The following NCS1 variants were observed in gnomAD, a reference collection of about 807,000 sequenced individuals.
NCS1 encodes the protein neuronal calcium sensor 1.
In NCS1, 6 loss-of-function variants were observed where a neutral mutation model predicts 28.4. The observed-to-expected ratio is 0.21, with a 90% CI of 0.12 to 0.42. The LOEUF (loss-of-function observed/expected upper bound fraction) is 0.42. NCS1 is among the 10% of genes least tolerant of loss of function. NCS1 has a pLI of 1.00. For missense variants in NCS1, 131 were observed against 241.4 expected, an observed-to-expected ratio of 0.54 and a Z score of 3.03; for synonymous variants, 86 against 99.3, an observed-to-expected ratio of 0.87 and a Z score of 0.79.
At chr9:130,202,286 G>A (rs1055067956) in intron 2 of NCS1, among the ~76,000 whole-genome samples, 2 of 152,112 alleles carry the variant, frequency 1.3e-5, no homozygotes, top group African/African-American at 4.8e-5. Context: ...TGTCTCCGGG[G>A]CTTCCTGATG....
chr9:130,189,075 G>A (rs1338091208), intron 1 of NCS1, among the ~76,000 whole-genome samples: 1 of 152,158 alleles, frequency 6.6e-6, no homozygotes, highest in African/African-American at 2.4e-5. Context: ...CTAACAGGGT[G>A]TGTCTCCCCT....
intron 1 of NCS1, among the ~76,000 whole-genome samples, chr9:130,183,735 T>TCTTC (rs1554905385): frequency 7.2e-6 from 1 of 138,110 alleles, no homozygotes; most frequent in African/African-American, 2.5e-5. Flanking sequence ...TTTCTCTCTC[T>TCTTC]CTTCCTTCCT....
chr9:130,179,346 T>C (rs1235864684), intron 1 of NCS1, among the ~76,000 whole-genome samples: 2 of 152,196 alleles, frequency 1.3e-5, no homozygotes, highest in African/African-American at 4.8e-5. Flanking sequence ...TTTTAGAGCA[T>C]GATTTTTTTT....
Position 130,200,546 on chromosome 9 carries a change from C to G in NCS1, c.65-412C>G, listed in dbSNP as rs897324023. On this transcript the variant is annotated intron_variant, in intron 1 of 7. Transcript: ENST00000372398. ...CACCCCCCCACATAGGTGGGGCAGC[C>G]GAGTGCCTGGGGAAGCCAGGGCCTT... The G allele has an allele frequency of 6.4e-6, 10 of 1,551,308 alleles. No individual in the cohort carries two copies. The East Asian group carries it at 2.2e-4, about 34-fold the overall frequency.
At chr9:130,225,021 G>A (rs1038160401) in intron 6 of NCS1, among the ~76,000 whole-genome samples, 6 of 152,054 alleles carry the variant, frequency 3.9e-5, no homozygotes, top group East Asian at 1.9e-4. Context: ...ATGAAACCCC[G>A]ACTCTACAAA....
rs1726031329 is a variant in NCS1, at chr9:130,217,980, G to A, written c.228+10G>A. 1 of 1,613,964 alleles carries A rather than the reference G, an allele frequency of 6.2e-7. No homozygotes were observed. Among genetic ancestry groups the A allele is most frequent in the Admixed American group, 1.7e-5 (1 of 59,996 alleles). On this transcript the variant is annotated intron_variant, in intron 3 of 7. Coordinates refer to ENST00000372398, the MANE Select transcript of NCS1 (RefSeq NM_014286.4). ...CTTTGATGAAAACAAGGTGAGCTGG[G>A]GATTGATGGGGCCTGCGGCAGCTGG...
intron 1 of NCS1, among the ~76,000 whole-genome samples, chr9:130,196,510 G>A (rs782534844): frequency 9.2e-5 from 14 of 152,168 alleles, no homozygotes; most frequent in Admixed American, 6.5e-4. Flanking sequence ...AGGCCGAGGC[G>A]GATGGAACAC....
rs1554910275 is a variant in NCS1 at position 130,221,339 on chromosome 9, TATATATATATAAAATATTTA to T, written c.308-1293_308-1274del. ...GTGCCTGGCCCTGTTATTTTTAATATATATATATATAAAATATTTAATATATATATAAAATATCATATATA... is the reference window on the plus strand; with the variant it reads ...GTGCCTGGCCCTGTTATTTTTAATATATATATATATAAAATATCATATATA... On this transcript the variant is annotated intron_variant, in intron 4 of 7. Transcript: ENST00000372398. 2.8e-5 allele frequency among the ~76,000 whole-genome samples: 4 copies of T among 143,814 alleles called. No homozygotes were observed. The South Asian group carries it at 6.5e-4, about 23-fold the overall frequency. The allele number at this position is 143,814 out of a possible 152,430, so 94.3% of individuals were successfully genotyped here.
chr9:130,172,748 G>GC, intron 1 of NCS1, 21 bp downstream of exon 1: 1 of 1,397,914 alleles, frequency 7.2e-7, no homozygotes, highest in Non-Finnish European at 9.5e-7. Flanking sequence ...CCAGCCCCCA[G>GC]CCCGCGCCCC....
intron 4 of NCS1, among the ~76,000 whole-genome samples, chr9:130,221,401 T>G (rs368493946): frequency 0.032 from 1,427 of 44,526 alleles, 11 homozygotes; most frequent in Non-Finnish European, 0.047. Flanking sequence ...TATATATATA[T>G]ATATATATAT....
chr9:130,221,232 C>T (rs1447595285), intron 4 of NCS1, among the ~76,000 whole-genome samples: 2 of 150,766 alleles, frequency 1.3e-5, no homozygotes, highest in African/African-American at 2.4e-5. Flanking sequence ...CCATGTTGGC[C>T]AGGCTGGTCT....
In NCS1 at chr9:130,217,826, C is replaced by T. The variant is rs1554909599; in HGVS notation, c.90-6C>T. On this transcript the variant is annotated splice_region_variant and splice_polypyrimidine_tract_variant and intron_variant, in intron 2 of 7. Transcript: ENST00000372398. ...TACCCTCTCTGGCCCGGTCTGCTGC[C>T]TCCAGGTACAAAGGCTTCATCAAGG... 6.2e-7 allele frequency: 1 copy of T among 1,614,144 alleles called. No homozygotes were observed. The highest frequency in any genetic ancestry group is 2.2e-5 in the East Asian group (1 of 44,874).
At chr9:130,210,400 GA>G (rs3055585) in intron 2 of NCS1, among the ~76,000 whole-genome samples, 110 of 125,336 alleles carry the variant, frequency 8.8e-4, no homozygotes, top group East Asian at 9.6e-4. Context: ...CTCAGTCTTA[GA>G]AAAAAAAAAA....
rs1013738828 is a variant in NCS1, at chr9:130,223,223, A to C, written c.474+64A>C. 6 of 1,495,930 alleles carry C rather than the reference A, an allele frequency of 4.0e-6. No homozygotes were observed. The East Asian group carries it at 1.4e-4, about 34-fold the overall frequency. The allele number at this position is 1,495,930 out of a possible 1,614,324, so 92.7% of individuals were successfully genotyped here. A position where few individuals can be genotyped will look rare whatever the true frequency, so the allele number is the denominator to read the frequency against. On this transcript the variant is annotated intron_variant, in intron 6 of 7. Transcript: ENST00000372398. ...GCAAGGTGTCGGGGGCAGGAATTGGAGTCCCTGGATCCTGGGCCTGGCTTT... is the reference window on the plus strand; with the variant it reads ...GCAAGGTGTCGGGGGCAGGAATTGGCGTCCCTGGATCCTGGGCCTGGCTTT...
chr9:130,216,317 G>GTCGGCC (rs1338854871), intron 2 of NCS1, among the ~76,000 whole-genome samples: 2 of 152,204 alleles, frequency 1.3e-5, no homozygotes, highest in Non-Finnish European at 2.9e-5. Flanking sequence ...TTCTCTGAGC[G>GTCGGCC]TCGGCCTCTT....
At chr9:130,216,115 T>G (rs1240985026) in intron 2 of NCS1, among the ~76,000 whole-genome samples, 3 of 152,150 alleles carry the variant, frequency 2.0e-5, no homozygotes, top group African/African-American at 7.2e-5. Context: ...CTTAGATTCC[T>G]CTTCATTGGG....
rs1038687329 is a variant in NCS1, at chr9:130,177,658, C to T, written c.64+4931C>T. 9.9e-5 allele frequency among the ~76,000 whole-genome samples: 15 copies of T among 152,234 alleles called. No homozygotes were observed. The East Asian group carries it at 1.5e-3, about 16-fold the overall frequency. Reference sequence around the variant, plus strand: ...TATTAGGAGAGGACTCGATCCCCTGCGGTGCGGGGCTGGGTCCTCACTCGG... The same window carrying T: ...TATTAGGAGAGGACTCGATCCCCTGTGGTGCGGGGCTGGGTCCTCACTCGG... On this transcript the variant is annotated intron_variant, in intron 1 of 7. Coordinates refer to ENST00000372398, the MANE Select transcript of NCS1 (RefSeq NM_014286.4). This position sits in a 1 kb window ranked among gnomAD's most constrained non-coding sequence, Gnocchi z 4.4.
At chr9:130,205,991 T>C (rs1034474232) in intron 2 of NCS1, among the ~76,000 whole-genome samples, 1 of 152,070 alleles carries the variant, frequency 6.6e-6, no homozygotes, top group Non-Finnish European at 1.5e-5. Flanking sequence ...CTCTCCTAGG[T>C]CAGCCCACTA....
chr9:130,211,045 G>A (rs1554908732), intron 2 of NCS1, among the ~76,000 whole-genome samples: 2 of 144,476 alleles, frequency 1.4e-5, no homozygotes, highest in African/African-American at 5.2e-5. Context: ...GAGAGATGGG[G>A]TCTTGCTATG....
Sources: allele counts gnomAD v4.1 joint callset (sites outside exome capture counted in the v4.1 genomes callset), GRCh38; gene constraint gnomAD v4.1.1; non-coding constraint Gnocchi (gnomAD v3.1); transcripts MANE v1.5; gene names NCBI Gene and HGNC (gene_info 2026-07-23, HGNC 2026-07-21).